GRAMD1B: variants seen among roughly 807,000 people sequenced by gnomAD.
GRAMD1B encodes GRAM domain containing 1B.
In GRAMD1B, 37 loss-of-function variants were observed where a neutral mutation model predicts 99.7. The observed-to-expected ratio is 0.37, with a 90% CI of 0.29 to 0.49. The LOEUF (loss-of-function observed/expected upper bound fraction) is 0.49, where lower values mean the gene tolerates loss of function less well. Ranked by LOEUF, GRAMD1B falls within the 20% of genes least tolerant of loss-of-function variation. The pLI is 0.98. For missense variants in GRAMD1B, 888 were observed against 1,009.2 expected (o/e 0.88, Z 1.63); for synonymous variants, 427 against 387.6 (o/e 1.10, Z -1.19).
intron 7 of GRAMD1B, chr11:123,598,184 G>T (rs569233049): frequency 3.3e-6 from 5 of 1,500,884 alleles, no homozygotes; most frequent in Non-Finnish European, 4.6e-6. Context: ...GCAAAGTGCC[G>T]CTGGAAGGCT....
chr11:123,557,298 A>G (rs994305287), intron 2 of GRAMD1B, among the ~76,000 whole-genome samples: 1 of 152,218 alleles, frequency 6.6e-6, no homozygotes, highest in Admixed American at 6.5e-5. Context: ...AACAGTAGAC[A>G]CAGTCCAGAT....
At chr11:123,541,742 C>G (rs1944554374) in intron 2 of GRAMD1B, among the ~76,000 whole-genome samples, 2 of 152,164 alleles carry the variant, frequency 1.3e-5, no homozygotes, top group Non-Finnish European at 2.9e-5. Context: ...ATCAATCACT[C>G]TTTTCCTGTA....
In GRAMD1B at chr11:123,608,819, CTG is replaced by C. The variant is rs1565458250; in HGVS notation, c.1657+19_1657+20del. 6.9e-7 allele frequency: 1 copy of C among 1,458,626 alleles called. No individual in the cohort carries two copies. Among genetic ancestry groups the C allele is most frequent in the Non-Finnish European group, 9.4e-7 (1 of 1,068,970 alleles). The allele number at this position is 1,458,626 out of a possible 1,614,324, so 90.4% of individuals were successfully genotyped here. On this transcript the variant is annotated intron_variant, in intron 12 of 19. Transcript: ENST00000635736. ...GCTTCTCTGGTCCGTTCTGCTGGGA[CTG>C]TACCCCCCATTCCTCCCTCTTCATC...
intron 1 of GRAMD1B, among the ~76,000 whole-genome samples, chr11:123,406,378 C>T (rs548323654): frequency 3.5e-4 from 53 of 152,114 alleles, no homozygotes; most frequent in Non-Finnish European, 5.9e-4. Flanking sequence ...CTCAGCCTCC[C>T]GAGTAGCTGG....
chr11:123,383,851 T>C (rs1946969303), intron 1 of GRAMD1B, among the ~76,000 whole-genome samples: 2 of 151,844 alleles, frequency 1.3e-5, no homozygotes, highest in Non-Finnish European at 2.9e-5. Context: ...CATCTATCCA[T>C]CCATCTTTAT....
chr11:123,594,709 C>T (rs765096832), intron 5 of GRAMD1B, 26 bp from the exon 6 acceptor site: 12 of 1,218,666 alleles, frequency 9.8e-6, no homozygotes, highest in Non-Finnish European at 1.5e-5. Flanking sequence ...TGCCTCTGAG[C>T]TCCCCTACCT....
intron 1 of GRAMD1B, among the ~76,000 whole-genome samples, chr11:123,378,197 C>G (rs933840647): frequency 6.6e-6 from 1 of 152,136 alleles, no homozygotes; most frequent in Non-Finnish European, 1.5e-5. Flanking sequence ...TTACCAAGAC[C>G]GTGGAATTAG....
Position 123,610,192 on chromosome 11 carries a change from G to T in GRAMD1B, c.1777-4G>T. ...TTTGTCCAATGGACCTTTCCTGCCC[G>T]CAGACCATGTACAAGGCGAGCCAGG... is the stretch of plus-strand genomic sequence containing the variant. On this transcript the variant is annotated splice_region_variant and splice_polypyrimidine_tract_variant and intron_variant, in intron 13 of 19. Coordinates refer to ENST00000635736, the MANE Select transcript of GRAMD1B (RefSeq NM_001387025.1). This position sits in a 1 kb window ranked among gnomAD's most constrained non-coding sequence, Gnocchi z 4.1. 6.2e-7 allele frequency: 1 copy of T among 1,613,674 alleles called. No homozygotes were observed. The highest frequency in any genetic ancestry group is 2.2e-5 in the East Asian group (1 of 44,870).
At position 123,610,737 on chromosome 11, in the gene GRAMD1B, A is replaced by C. The variant is rs1953426863; in HGVS notation, c.1919+399A>C. ...ATGTCTTTAGTAAGCACTGAAACCC[A>C]GATCTTAGAGTTGTAAACCTGTGCT... is the stretch of plus-strand genomic sequence containing the variant. On this transcript the variant is annotated intron_variant, in intron 14 of 19. Coordinates refer to ENST00000635736, the MANE Select transcript of GRAMD1B (RefSeq NM_001387025.1). This position sits in a 1 kb window ranked among gnomAD's most constrained non-coding sequence, Gnocchi z 4.1. Among the ~76,000 whole-genome samples, 1 of 152,210 alleles carries C rather than the reference A, an allele frequency of 6.6e-6. No individual in the cohort carries two copies. Among genetic ancestry groups the C allele is most frequent in the Non-Finnish European group, 1.5e-5 (1 of 68,034 alleles).
chr11:123,366,433 C>T (rs980104859), intron 1 of GRAMD1B, among the ~76,000 whole-genome samples: 3 of 152,256 alleles, frequency 2.0e-5, no homozygotes, highest in Non-Finnish European at 2.9e-5. Context: ...CACCGGCATG[C>T]CCCATGGGCC....
upstream of GRAMD1B, among the ~76,000 whole-genome samples, chr11:123,428,144 C>A (rs533205736): frequency 6.6e-6 from 1 of 152,254 alleles, no homozygotes; most frequent in South Asian, 2.1e-4. Context: ...GCCCCTGAGA[C>A]CCTCATCTTC....
intron 1 of GRAMD1B, among the ~76,000 whole-genome samples, chr11:123,405,200 G>A (rs1223312979): frequency 6.6e-6 from 1 of 151,492 alleles, no homozygotes; most frequent in African/African-American, 2.4e-5. Flanking sequence ...GCATGTGTGT[G>A]TGTGTGTGTG....
intron 1 of GRAMD1B, among the ~76,000 whole-genome samples, chr11:123,474,711 A>C (rs1951177554): frequency 1.1e-5 from 1 of 94,478 alleles, no homozygotes; most frequent in South Asian, 4.5e-4. Flanking sequence ...AAAATAATAT[A>C]TTTCCCCATT....
At chr11:123,419,973 T>C (rs1045478405) in intron 1 of GRAMD1B, among the ~76,000 whole-genome samples, 8 of 152,070 alleles carry the variant, frequency 5.3e-5, no homozygotes, top group African/African-American at 1.7e-4. Context: ...TTGCACGGAA[T>C]GATCATGTGA....
intron 1 of GRAMD1B, among the ~76,000 whole-genome samples, chr11:123,445,809 A>G (rs1949611742): frequency 8.8e-6 from 1 of 113,840 alleles, no homozygotes; most frequent in Non-Finnish European, 1.7e-5. Context: ...ACAGAGTGAC[A>G]CTTGTCTCCA....
At chr11:123,605,812 G>T (rs982063342) in intron 10 of GRAMD1B, among the ~76,000 whole-genome samples, 1 of 152,178 alleles carries the variant, frequency 6.6e-6, no homozygotes, top group Non-Finnish European at 1.5e-5. Context: ...TTGATCTGAC[G>T]TCAAAGTCAT....
intron 1 of GRAMD1B, among the ~76,000 whole-genome samples, chr11:123,434,540 G>A (rs923151466): frequency 1.3e-5 from 2 of 152,222 alleles, no homozygotes; most frequent in African/African-American, 4.8e-5. Flanking sequence ...TGTAATCCCA[G>A]CACTTTGGGA....
intron 1 of GRAMD1B, among the ~76,000 whole-genome samples, chr11:123,464,229 G>A (rs562090854): frequency 1.3e-5 from 2 of 152,120 alleles, no homozygotes; most frequent in East Asian, 3.9e-4. Flanking sequence ...GCTTGAGCCT[G>A]GGAGTTGAAG....
At chr11:123,383,437 T>C (rs1262995448) in intron 1 of GRAMD1B, among the ~76,000 whole-genome samples, 1 of 152,226 alleles carries the variant, frequency 6.6e-6, no homozygotes, top group Admixed American at 6.5e-5. Context: ...TGTAAAATGT[T>C]GGTAATGTTA....
Sources: gnomAD v4.1 joint callset for allele counts (sites outside exome capture counted in the v4.1 genomes callset) on GRCh38, gnomAD v4.1.1 for gene constraint, Gnocchi (gnomAD v3.1) non-coding constraint, MANE v1.5 for transcripts, NCBI Gene and HGNC (gene_info 2026-07-23, HGNC 2026-07-21) for gene names.